Variants in PTPRD observed in about 807,000 individuals in gnomAD.
PTPRD encodes protein tyrosine phosphatase receptor type D, also known as receptor-type tyrosine-protein phosphatase delta.
Under a neutral mutation model 214.5 loss-of-function variants are expected in PTPRD, and 34 were observed. The ratio of observed to expected loss-of-function variants is 0.16; its 90% CI spans 0.12 to 0.21. The LOEUF (loss-of-function observed/expected upper bound fraction) is 0.21. PTPRD is among the 10% of genes least tolerant of loss of function. The pLI is 1.00. For missense variants in PTPRD, 2,545 were observed against 2,398.7 expected (o/e 1.06, Z -1.27); for synonymous variants, 1,128 against 845.7 (o/e 1.33, Z -5.79).
chr9:8,504,819 T>C (rs1453146306), intron 22 of PTPRD, among the ~76,000 whole-genome samples: 5 of 152,192 alleles, frequency 3.3e-5, no homozygotes, highest in African/African-American at 9.7e-5. Context: ...ATTGAACAGA[T>C]GTCTACTCAT....
chr9:9,863,110 G>C (rs1289837036), intron 5 of PTPRD, among the ~76,000 whole-genome samples: 1 of 152,096 alleles, frequency 6.6e-6, no homozygotes, highest in Non-Finnish European at 1.5e-5. Flanking sequence ...TCTAGAAAAT[G>C]CTGAATTAGG....
chr9:8,752,410 T>A (rs2093622776), intron 11 of PTPRD, among the ~76,000 whole-genome samples: 2 of 152,152 alleles, frequency 1.3e-5, no homozygotes, highest in Admixed American at 6.5e-5. Flanking sequence ...GAGGCATGAA[T>A]AACCCACTCC....
At chr9:10,106,403 T>C (rs159225) in intron 3 of PTPRD, among the ~76,000 whole-genome samples, 92,848 of 151,108 alleles carry the variant, frequency 0.61, 29,416 homozygotes, top group Middle Eastern at 0.81. Flanking sequence ...ATATAAAACT[T>C]AACCTGGAAG....
chr9:9,896,148 A>G (rs1318727712), intron 5 of PTPRD, among the ~76,000 whole-genome samples: 5 of 152,086 alleles, frequency 3.3e-5, no homozygotes, highest in African/African-American at 2.4e-5. Flanking sequence ...TTCTCTAAAC[A>G]CACACAACCA....
chr9:9,629,238 G>GTGTATATATATATA lies in PTPRD; in HGVS notation c.-286-54458_-286-54457insTATATATATATACA, dbSNP rs149327972. Among the ~76,000 whole-genome samples the GTGTATATATATATA allele has an allele frequency of 4.6e-3, 648 of 140,356 alleles. 4 individuals carry two copies. Among genetic ancestry groups the GTGTATATATATATA allele is most frequent in the Non-Finnish European group, 6.3e-3 (414 of 66,130 alleles). The allele number at this position is 140,356 out of a possible 152,430, so 92.1% of individuals were successfully genotyped here. A position where few individuals can be genotyped will look rare whatever the true frequency, so the allele number is the denominator to read the frequency against. On this transcript the variant is annotated intron_variant, in intron 7 of 45. Coordinates refer to ENST00000381196, the MANE Select transcript of PTPRD (RefSeq NM_002839.4). ...TGGGGAGATATATATGTGTGTGTGT[G>GTGTATATATATATA]TATATATATATATATATATGAACAC...
chr9:9,186,606 G>GTCTC (rs1351844358), intron 9 of PTPRD, among the ~76,000 whole-genome samples: 4 of 131,352 alleles, frequency 3.0e-5, no homozygotes, highest in Non-Finnish European at 6.6e-5. Flanking sequence ...ACAAGACTCT[G>GTCTC]TCTCTCTCTC....
chr9:10,217,020 T>C lies in PTPRD; in HGVS notation c.-545+123943A>G, dbSNP rs74942870. On this transcript the variant is annotated intron_variant, in intron 3 of 45. Coordinates refer to ENST00000381196, the MANE Select transcript of PTPRD (RefSeq NM_002839.4). ...TGTTATTGGCCTGCAACTATAATCC[T>C]GCAATTAGGACAATAATGATTACAA... 3.7e-3 allele frequency among the ~76,000 whole-genome samples: 560 copies of C among 152,094 alleles called. 4 individuals are homozygous for C. The highest frequency in any genetic ancestry group is 0.013 in the African/African-American group (532 of 41,522).
chr9:10,570,099 TAAAA>T (rs1353051081), intron 2 of PTPRD, among the ~76,000 whole-genome samples: 1 of 151,822 alleles, frequency 6.6e-6, no homozygotes, highest in Non-Finnish European at 1.5e-5. Flanking sequence ...TTCTAAAAAA[TAAAA>T]AAAAGAATCT....
intron 5 of PTPRD, among the ~76,000 whole-genome samples, chr9:9,826,394 A>C (rs2052841986): frequency 6.6e-6 from 1 of 151,892 alleles, no homozygotes; most frequent in African/African-American, 2.4e-5. Context: ...CCTTTCAATT[A>C]TTTAAAAAAA....
chr9:9,826,626 C>A (rs1007517807), intron 5 of PTPRD, among the ~76,000 whole-genome samples: 2 of 151,970 alleles, frequency 1.3e-5, no homozygotes, highest in African/African-American at 2.4e-5. Context: ...TCATAGTATA[C>A]TTAGTGTCCT....
intron 3 of PTPRD, among the ~76,000 whole-genome samples, chr9:10,202,718 T>C (rs920328226): frequency 2.2e-5 from 3 of 134,798 alleles, no homozygotes; most frequent in African/African-American, 8.5e-5. Context: ...GAATAGTTAA[T>C]ATGTGTTAAT....
At chr9:8,455,650 T>C (rs189691973) in intron 33 of PTPRD, among the ~76,000 whole-genome samples, 3 of 152,216 alleles carry the variant, frequency 2.0e-5, no homozygotes, top group Non-Finnish European at 4.4e-5. Context: ...AACACACACA[T>C]ACAAAGTAAA....
At chr9:9,858,422 G>A (rs1427529883) in intron 5 of PTPRD, among the ~76,000 whole-genome samples, 1 of 152,180 alleles carries the variant, frequency 6.6e-6, no homozygotes, top group Non-Finnish European at 1.5e-5. Context: ...CATAATGACT[G>A]TTCTAGTTAA....
chr9:8,337,674 G>T (rs1848319997), intron 43 of PTPRD, among the ~76,000 whole-genome samples: 2 of 151,928 alleles, frequency 1.3e-5, no homozygotes, highest in East Asian at 1.9e-4. Flanking sequence ...AAAAAAAAAG[G>T]TGAGCAACTT....
chr9:8,861,027 T>C (rs1460216903), intron 11 of PTPRD: 5 of 151,954 alleles, frequency 3.3e-5, no homozygotes, highest in Non-Finnish European at 7.3e-5. Context: ...ATTTTCTTCG[T>C]TTCCTTCCAG....
chr9:8,548,705 T>G (rs1451591484), intron 14 of PTPRD, among the ~76,000 whole-genome samples: 2 of 88,340 alleles, frequency 2.3e-5, no homozygotes, highest in Non-Finnish European at 4.3e-5. Flanking sequence ...TTTTTTTTTT[T>G]TTTTTTGAGA....
At chr9:9,955,450 G>C (rs1587142391) in intron 4 of PTPRD, among the ~76,000 whole-genome samples, 1 of 151,326 alleles carries the variant, frequency 6.6e-6, no homozygotes, top group East Asian at 1.9e-4. Flanking sequence ...TATCAATTTG[G>C]TACCCAACTT....
At chr9:9,127,808 GA>G (rs1319561327) in intron 10 of PTPRD, among the ~76,000 whole-genome samples, 3 of 151,854 alleles carry the variant, frequency 2.0e-5, no homozygotes, top group African/African-American at 7.3e-5. Context: ...AAATATGAAG[GA>G]AAAAAAGAGG....
At chr9:9,838,103 AT>A (rs2057328561) in intron 5 of PTPRD, among the ~76,000 whole-genome samples, 1 of 152,108 alleles carries the variant, frequency 6.6e-6, no homozygotes, top group African/African-American at 2.4e-5. Context: ...TGAACTCATC[AT>A]TTTTTATGGC....
Sources: gnomAD v4.1 joint callset for allele counts (sites outside exome capture counted in the v4.1 genomes callset) on GRCh38, gnomAD v4.1.1 for gene constraint, MANE v1.5 for transcripts, NCBI Gene and HGNC (gene_info 2026-07-23, HGNC 2026-07-21) for gene names.